Variants in FRMD3 observed in about 807,000 individuals in gnomAD.
FRMD3 encodes FERM domain containing 3.
FRMD3 carries 33 observed loss-of-function variants against 70.2 expected under a neutral mutation model. The observed-to-expected ratio is 0.47, with a 90% confidence interval of 0.36 to 0.63. The LOEUF (loss-of-function observed/expected upper bound fraction) is 0.63, where lower values mean the gene tolerates loss of function less well. FRMD3 is among the 20% of genes least tolerant of loss of function. The pLI is 0.00. For missense variants in FRMD3, 632 were observed against 711.4 expected, an observed-to-expected ratio of 0.89 and a Z score of 1.27; for synonymous variants, 279 against 255.9, an observed-to-expected ratio of 1.09 and a Z score of -0.86.
chr9:83,290,638 G>A lies in FRMD3; in HGVS notation c.1160C>T (p.Pro387Leu). 2 of 1,614,072 alleles carry A rather than the reference G, an allele frequency of 1.2e-6. No homozygotes were observed. The highest frequency in any genetic ancestry group is 1.7e-6 in the Non-Finnish European group (2 of 1,179,982). Reference sequence around the variant, plus strand: ...AGGAAGTTCTTCTTCTTGCTCGCTGGGGGAAGGAAGCAGGGGCTGCAGGGG... The same window carrying A: ...AGGAAGTTCTTCTTCTTGCTCGCTGAGGGAAGGAAGCAGGGGCTGCAGGGG... ...MEPLQPLLPS[P>L]SEQEEELPLG... The change falls in exon 13 of 14, where the codon CCC becomes CTC. Residue 387 changes from proline to leucine, a missense_variant. By Grantham distance (98) the Pro-to-Leu change is moderately conservative (BLOSUM62 -3). Transcript: ENST00000304195.
At chr9:83,353,887 T>G (rs989622471) in intron 3 of FRMD3, among the ~76,000 whole-genome samples, 1 of 152,196 alleles carries the variant, frequency 6.6e-6, no homozygotes, top group Non-Finnish European at 1.5e-5. Flanking sequence ...GTACATTCAT[T>G]GCACAAATGT....
intron 9 of FRMD3, 70 bp downstream of exon 9, chr9:83,310,415 G>T: frequency 3.4e-6 from 4 of 1,178,830 alleles, no homozygotes; most frequent in Non-Finnish European, 5.0e-6. Context: ...AATACTAAAG[G>T]CATATTTTAC....
chr9:83,411,863 T>C (rs1826289106), intron 1 of FRMD3, among the ~76,000 whole-genome samples: 1 of 152,244 alleles, frequency 6.6e-6, no homozygotes, highest in East Asian at 1.9e-4. Flanking sequence ...CACAGTTTAT[T>C]TCTGGTTATT....
chr9:83,510,455 G>A (rs1410372710), intron 1 of FRMD3, among the ~76,000 whole-genome samples: 1 of 152,152 alleles, frequency 6.6e-6, no homozygotes, highest in African/African-American at 2.4e-5. Flanking sequence ...AGCTGCTCTA[G>A]AAAGCAGTCT....
At chr9:83,346,821 C>G (rs1295078298) in intron 4 of FRMD3, among the ~76,000 whole-genome samples, 1 of 152,152 alleles carries the variant, frequency 6.6e-6, no homozygotes, top group Non-Finnish European at 1.5e-5. Context: ...TGGACAGACA[C>G]CAAGAATCTG....
intron 1 of FRMD3, among the ~76,000 whole-genome samples, chr9:83,402,420 C>T (rs1310297397): frequency 1.3e-5 from 2 of 151,710 alleles, no homozygotes; most frequent in Non-Finnish European, 2.9e-5. Context: ...TTCTGAGAAT[C>T]ATCTGACAAT....
Position 83,503,143 on chromosome 9 carries a change from G to A in FRMD3, c.147+34942C>T, listed in dbSNP as rs1053850243. 5.3e-5 allele frequency among the ~76,000 whole-genome samples: 8 copies of A among 152,190 alleles called. No individual in the cohort carries two copies. The East Asian group carries it at 5.8e-4, about 11-fold the overall frequency. On this transcript the variant is annotated intron_variant, in intron 1 of 13. Coordinates refer to ENST00000304195, the MANE Select transcript of FRMD3 (RefSeq NM_174938.6). ...AACCCCCAGAACCTATCAACATGAC[G>A]ACAGAACCTATCCTATGATTGTGCT...
intron 1 of FRMD3, among the ~76,000 whole-genome samples, chr9:83,424,933 T>C (rs1826760716): frequency 6.6e-6 from 1 of 152,206 alleles, no homozygotes; most frequent in Non-Finnish European, 1.5e-5. Flanking sequence ...CTGGTTTTAT[T>C]GTCCTGCGCT....
intron 13 of FRMD3, among the ~76,000 whole-genome samples, chr9:83,286,333 A>G (rs1587679197): frequency 2.3e-5 from 1 of 44,394 alleles, no homozygotes; most frequent in South Asian, 3.7e-3. Flanking sequence ...ATTAGAGAAC[A>G]CTTTTTTTTT....
At chr9:83,510,424 G>T (rs1829312624) in intron 1 of FRMD3, among the ~76,000 whole-genome samples, 1 of 152,186 alleles carries the variant, frequency 6.6e-6, no homozygotes, top group African/African-American at 2.4e-5. Context: ...TGCATGGCTG[G>T]CGGGTAAGGT....
At chr9:83,338,326 G>A (rs527749356) in intron 5 of FRMD3, among the ~76,000 whole-genome samples, 2 of 152,296 alleles carry the variant, frequency 1.3e-5, no homozygotes, top group African/African-American at 4.8e-5. Flanking sequence ...AGAGCAAGGT[G>A]GGAGTTTTTA....
chr9:83,328,242 AG>A (rs1836101448), intron 6 of FRMD3, among the ~76,000 whole-genome samples: 1 of 151,926 alleles, frequency 6.6e-6, no homozygotes, highest in Non-Finnish European at 1.5e-5. Flanking sequence ...TTGGCAGAGC[AG>A]GGATGGTGGC....
chr9:83,584,883 C>T, the FRMD3 span, among the ~76,000 whole-genome samples: 2 of 152,170 alleles, frequency 1.3e-5, no homozygotes, highest in African/African-American at 2.4e-5. Context: ...TAGCTCTATT[C>T]ATTATAATAG....
intron 1 of FRMD3, among the ~76,000 whole-genome samples, chr9:83,464,608 G>A (rs1233616909): frequency 6.6e-6 from 1 of 152,206 alleles, no homozygotes; most frequent in Non-Finnish European, 1.5e-5. Flanking sequence ...ATCAGTGTCA[G>A]AGAGGCAATT....
intron 8 of FRMD3, among the ~76,000 whole-genome samples, chr9:83,311,295 A>C (rs1233771858): frequency 1.3e-5 from 2 of 152,018 alleles, no homozygotes; most frequent in East Asian, 3.9e-4. Flanking sequence ...GAGAAAAAAA[A>C]AAAAAAAAAC....
intron 2 of FRMD3, among the ~76,000 whole-genome samples, chr9:83,385,629 G>C (rs1171741437): frequency 6.6e-6 from 1 of 152,010 alleles, no homozygotes; most frequent in Non-Finnish European, 1.5e-5. Flanking sequence ...CCAAGGCAAA[G>C]GTAACTTTCA....
At chr9:83,506,111 G>A (rs111979271) in intron 1 of FRMD3, among the ~76,000 whole-genome samples, 4 of 152,238 alleles carry the variant, frequency 2.6e-5, no homozygotes, top group Admixed American at 2.0e-4. Context: ...TGGATGAGTC[G>A]GTTGTTCTCA....
intron 1 of FRMD3, among the ~76,000 whole-genome samples, chr9:83,403,459 TCA>T (rs1826011081): frequency 1.3e-5 from 2 of 152,154 alleles, no homozygotes; most frequent in South Asian, 4.1e-4. Flanking sequence ...AAAGCATATC[TCA>T]GTTATACTTG....
At chr9:83,405,239 G>A (rs1430019130) in intron 1 of FRMD3, among the ~76,000 whole-genome samples, 4 of 152,160 alleles carry the variant, frequency 2.6e-5, no homozygotes, top group Admixed American at 1.3e-4. Flanking sequence ...GCCTCCCAGT[G>A]CCCAGGTGTG....
Sources: gnomAD v4.1 joint callset for allele counts (sites outside exome capture counted in the v4.1 genomes callset) on GRCh38, gnomAD v4.1.1 for gene constraint, MANE v1.5 for transcripts, NCBI Gene and HGNC (gene_info 2026-07-23, HGNC 2026-07-21) for gene names.